Variants in KPNA4 observed in about 807,000 individuals in gnomAD.
KPNA4 encodes the protein karyopherin subunit alpha 4, also known as importin subunit alpha-3.
A neutral mutation model predicts 71.3 loss-of-function variants in KPNA4; 13 were observed. The observed-to-expected ratio is 0.18, with a 90% CI of 0.12 to 0.29. The LOEUF is 0.29. Ranked by LOEUF, KPNA4 falls within the 10% of genes least tolerant of loss-of-function variation. The pLI is 1.00. For synonymous variants in KPNA4, 189 were observed against 195.2 expected (o/e 0.97, Z 0.26); for missense variants, 334 against 603.2 (o/e 0.55, Z 4.67).
At chr3:160,522,011 CTTCTT>C in intron 10 of KPNA4, 101 bp from the exon 11 acceptor site, 1 of 900,260 alleles carries the variant, frequency 1.1e-6, no homozygotes, top group African/African-American at 1.7e-5. Context: ...TACCTTCTTC[CTTCTT>C]TTCTTCTCTC....
In KPNA4 at chr3:160,538,989, T is replaced by C. The variant is rs995403302; in HGVS notation, c.70-2149A>G. Among the ~76,000 whole-genome samples the C allele has an allele frequency of 3.9e-5, 6 of 152,196 alleles. No individual in the cohort carries two copies. In the East Asian group the frequency reaches 9.6e-4, roughly 24 times the overall value. On this transcript the variant is annotated intron_variant, in intron 1 of 16. Transcript: ENST00000334256. ...CTGTTAAGGATTAAATCAGCTAAAA[T>C]ATGTAAAGTACTTAAACTGTCCCTG...
chr3:160,533,160 A>C (rs1214413115), intron 5 of KPNA4, among the ~76,000 whole-genome samples: 1 of 152,072 alleles, frequency 6.6e-6, no homozygotes, highest in Non-Finnish European at 1.5e-5. Flanking sequence ...AGTAGCTGGG[A>C]TTACAGGCAT....
At chr3:160,528,742 T>A (rs1226688345) in intron 7 of KPNA4, among the ~76,000 whole-genome samples, 1 of 152,206 alleles carries the variant, frequency 6.6e-6, no homozygotes, top group Non-Finnish European at 1.5e-5. Context: ...CTGGGCCATG[T>A]GGGATCTTCC....
At chr3:160,527,907 T>C in intron 8 of KPNA4, 46 bp downstream of exon 8, 2 of 1,404,486 alleles carry the variant, frequency 1.4e-6, no homozygotes, top group Non-Finnish European at 2.0e-6. Context: ...TATTACTTAG[T>C]ATATGATAAC....
intron 5 of KPNA4, among the ~76,000 whole-genome samples, chr3:160,532,728 G>A (rs1026796064): frequency 6.6e-6 from 1 of 152,084 alleles, no homozygotes; most frequent in African/African-American, 2.4e-5. Flanking sequence ...CTATGTGATG[G>A]CTGCTTATTT....
chr3:160,533,050 G>A (rs1375703883), intron 5 of KPNA4, among the ~76,000 whole-genome samples: 1 of 152,044 alleles, frequency 6.6e-6, no homozygotes, highest in Non-Finnish European at 1.5e-5. Flanking sequence ...TTGAGACAGG[G>A]TCTCAGTCTG....
chr3:160,552,073 G>C (rs1160647257), intron 1 of KPNA4, among the ~76,000 whole-genome samples: 2 of 151,940 alleles, frequency 1.3e-5, no homozygotes, highest in Non-Finnish European at 1.5e-5. Flanking sequence ...TAGTGCCAAG[G>C]ATGAAAACCT....
intron 1 of KPNA4, among the ~76,000 whole-genome samples, chr3:160,540,405 G>A (rs1029355841): frequency 6.6e-5 from 10 of 152,308 alleles, no homozygotes; most frequent in Admixed American, 1.3e-4. Flanking sequence ...ACTTAGCACT[G>A]TAGTAACAAC....
intron 14 of KPNA4, 32 bp from the exon 15 acceptor site, chr3:160,508,301 A>G (rs1159180824): frequency 6.7e-7 from 1 of 1,486,704 alleles, no homozygotes; most frequent in Admixed American, 2.2e-5. Context: ...AAATAATGCA[A>G]TATAGGTAAA....
chr3:160,526,170 C>T, intron 8 of KPNA4, 63 bp from the exon 9 acceptor site: 1 of 1,210,872 alleles, frequency 8.3e-7, no homozygotes. Context: ...TTTCAGAAAA[C>T]ACAAAGCACT....
rs1194998151 is a variant in KPNA4 at position 160,499,563 on chromosome 3, C to T, written c.*2541G>A. 6.6e-6 allele frequency: 1 copy of T among 151,366 alleles called. No individual in the cohort carries two copies. Among genetic ancestry groups the T allele is most frequent in the Non-Finnish European group, 1.5e-5 (1 of 67,908 alleles). The allele number at this position is 151,366 out of a possible 1,614,324, so 9.4% of individuals were successfully genotyped here. ...TGAATCAATTTCAGAGACAGAAAAG[C>T]CCTTCCCAGAATTTCTACTAGAAAA... On this transcript the variant is annotated 3_prime_UTR_variant, in exon 17 of 17. Coordinates refer to ENST00000334256, the MANE Select transcript of KPNA4 (RefSeq NM_002268.5).
intron 14 of KPNA4, among the ~76,000 whole-genome samples, chr3:160,509,549 G>C (rs2108544045): frequency 6.6e-6 from 1 of 152,236 alleles, no homozygotes; most frequent in Non-Finnish European, 1.5e-5. Flanking sequence ...ATGTGACAAA[G>C]AAAGTTATAT....
intron 11 of KPNA4, among the ~76,000 whole-genome samples, chr3:160,518,855 T>A (rs547207698): frequency 2.6e-5 from 4 of 151,948 alleles, no homozygotes; most frequent in Admixed American, 6.6e-5. Flanking sequence ...AGCAAGACTC[T>A]CACACACACA....
intron 1 of KPNA4, among the ~76,000 whole-genome samples, chr3:160,549,958 A>C (rs577763872): frequency 6.6e-6 from 1 of 152,206 alleles, no homozygotes; most frequent in South Asian, 2.1e-4. Flanking sequence ...TTATTTGGTT[A>C]GGTTTATTCC....
intron 15 of KPNA4, 34 bp from the exon 16 acceptor site, chr3:160,505,086 A>C: frequency 3.5e-6 from 4 of 1,132,578 alleles, no homozygotes; most frequent in Non-Finnish European, 5.0e-6. Flanking sequence ...AACAATAGTA[A>C]TATTTAAAGA....
chr3:160,565,543 C>G lies in KPNA4; in HGVS notation c.-261G>C, dbSNP rs892498639. 7.5e-6 allele frequency: 4 copies of G among 535,678 alleles called. No homozygotes were observed. Among genetic ancestry groups the G allele is most frequent in the African/African-American group, 4.1e-5 (2 of 49,270 alleles). The allele number at this position is 535,678 out of a possible 1,614,324, so 33.2% of individuals were successfully genotyped here. A position where few individuals can be genotyped will look rare whatever the true frequency, so the allele number is the denominator to read the frequency against. ...GCGGCAAGGCGACGGAATGTGCTGC[C>G]GGCTGAGAGGGGGAGGCAGCCTCGA... On this transcript the variant is annotated 5_prime_UTR_variant, in exon 1 of 17. Coordinates refer to ENST00000334256, the MANE Select transcript of KPNA4 (RefSeq NM_002268.5).
At chr3:160,553,516 T>C (rs543940690) in intron 1 of KPNA4, among the ~76,000 whole-genome samples, 3 of 152,300 alleles carry the variant, frequency 2.0e-5, no homozygotes, top group African/African-American at 7.2e-5. Context: ...CATGAACACC[T>C]ACCATCAAGA....
rs1720740669 is a variant in KPNA4, at chr3:160,495,553, G to A, written c.*6551C>T. 6.6e-6 allele frequency: 1 copy of A among 151,958 alleles called. No individual in the cohort carries two copies. The highest frequency in any genetic ancestry group is 6.6e-5 in the Admixed American group (1 of 15,246). 9.4% of individuals were successfully genotyped at this position (151,958 alleles called of 1,614,324 possible). A position where few individuals can be genotyped will look rare whatever the true frequency, so the allele number is the denominator to read the frequency against. ...ATTTTAAAAACTAGCTTGTCTATAT[G>A]AGTTCTATAAACATATGTAATTTTA... is the stretch of plus-strand genomic sequence containing the variant. On this transcript the variant is annotated 3_prime_UTR_variant, in exon 17 of 17. Coordinates refer to ENST00000334256, the MANE Select transcript of KPNA4 (RefSeq NM_002268.5).
intron 11 of KPNA4, among the ~76,000 whole-genome samples, chr3:160,517,944 T>C (rs1397845437): frequency 6.6e-6 from 1 of 152,222 alleles, no homozygotes. Context: ...TGGTGTTCTT[T>C]GAAGCACACA....
Sources: gnomAD v4.1 joint callset for allele counts (sites outside exome capture counted in the v4.1 genomes callset) on GRCh38, gnomAD v4.1.1 for gene constraint, MANE v1.5 for transcripts, NCBI Gene and HGNC (gene_info 2026-07-23, HGNC 2026-07-21) for gene names.